GTPBP1: variants seen among roughly 807,000 people sequenced by gnomAD.
The protein encoded by GTPBP1 is GTP-binding protein 1.
Under a neutral mutation model 62.0 loss-of-function variants are expected in GTPBP1, and 23 were observed. The ratio of observed to expected loss-of-function variants is 0.37; its 90% CI spans 0.27 to 0.53. GTPBP1 has a LOEUF of 0.53. Ranked by LOEUF, GTPBP1 falls within the 20% of genes least tolerant of loss-of-function variation. GTPBP1 has a pLI of 0.89. For synonymous variants in GTPBP1, 344 were observed against 364.4 expected, an observed-to-expected ratio of 0.94 and a Z score of 0.64; for missense variants, 640 against 917.3, an observed-to-expected ratio of 0.70 and a Z score of 3.90.
intron 2 of GTPBP1, among the ~76,000 whole-genome samples, chr22:38,715,451 TG>T (rs759372931): frequency 1.3e-5 from 2 of 152,204 alleles, no homozygotes; most frequent in African/African-American, 2.4e-5. Context: ...GCCCAGCACT[TG>T]TTGACCTAGC....
At position 38,733,577 on chromosome 22, in the gene GTPBP1, A is replaced by G. The variant is rs984562673; in HGVS notation, c.*2873A>G. ...GATGCAGAATAAAATTGTTAATCCA[A>G]TCACCTCCAATGGCAAGGCCTGACC... On this transcript the variant is annotated 3_prime_UTR_variant, in exon 12 of 12. Transcript: ENST00000216044. 6.6e-6 allele frequency: 1 copy of G among 152,262 alleles called. No individual in the cohort carries two copies. The highest frequency in any genetic ancestry group is 1.5e-5 in the Non-Finnish European group (1 of 68,078). 9.4% of individuals were successfully genotyped at this position (152,262 alleles called of 1,614,324 possible). A position where few individuals can be genotyped will look rare whatever the true frequency, so the allele number is the denominator to read the frequency against.
chr22:38,739,510 T>C, downstream of GTPBP1: 7 of 1,489,872 alleles, frequency 4.7e-6, no homozygotes, highest in East Asian at 4.7e-5. The surrounding 1 kb of genome is among the most constrained non-coding windows in gnomAD (Gnocchi z 6.7). Context: ...CAAGGACCCA[T>C]GGGCTGACCC....
chr22:38,712,943 T>C (rs974909132), intron 2 of GTPBP1, among the ~76,000 whole-genome samples: 4 of 152,200 alleles, frequency 2.6e-5, no homozygotes, highest in African/African-American at 4.8e-5. Context: ...GGAAAGGCAC[T>C]GGTTGTGGGG....
chr22:38,719,110 A>T (rs1485061563), intron 4 of GTPBP1, among the ~76,000 whole-genome samples: 1 of 151,902 alleles, frequency 6.6e-6, no homozygotes, highest in African/African-American at 2.4e-5. Context: ...GGTTCAAATG[A>T]TTCTCCTGTC....
Position 38,727,115 on chromosome 22 carries a change from T to C in GTPBP1, c.1402-98T>C. On this transcript the variant is annotated intron_variant, in intron 8 of 11. Transcript: ENST00000216044. This position sits in a 1 kb window ranked among gnomAD's most constrained non-coding sequence, Gnocchi z 6.5. Reference sequence around the variant, plus strand: ...GTGAGGAAACCAGGCAGAGTTGGGGTGGTCCCTATCCCTAGAAAGACTCTT... The same window carrying C: ...GTGAGGAAACCAGGCAGAGTTGGGGCGGTCCCTATCCCTAGAAAGACTCTT... The C allele has an allele frequency of 8.3e-7, 1 of 1,197,862 alleles. No homozygotes were observed. Among genetic ancestry groups the C allele is most frequent in the South Asian group, 1.7e-5 (1 of 58,710 alleles). The allele number at this position is 1,197,862 out of a possible 1,614,324, so 74.2% of individuals were successfully genotyped here.
chr22:38,740,690 C>T (rs1443612613), downstream of GTPBP1: 6 of 572,866 alleles, frequency 1.0e-5, no homozygotes, highest in Non-Finnish European at 1.9e-5. The surrounding 1 kb of genome is among the most constrained non-coding windows in gnomAD (Gnocchi z 4.8). Flanking sequence ...CCTCTCACAT[C>T]CTCCACAAGC....
At chr22:38,707,154 C>T (rs1424787001) in intron 1 of GTPBP1, among the ~76,000 whole-genome samples, 2 of 152,170 alleles carry the variant, frequency 1.3e-5, no homozygotes, top group Non-Finnish European at 2.9e-5. Flanking sequence ...ATACTAGAGA[C>T]TCAGTAAATG....
At chr22:38,739,110 C>T (rs2092832434), downstream of GTPBP1, 1 of 1,053,432 alleles carries the variant, frequency 9.5e-7, no homozygotes, top group Non-Finnish European at 1.4e-6. This position sits in a 1 kb window ranked among gnomAD's most constrained non-coding sequence, Gnocchi z 6.7. Flanking sequence ...TTAACCCTAA[C>T]CGAGATGCTC....
chr22:38,716,501 A>G lies in GTPBP1; in HGVS notation c.486-151A>G. The G allele has an allele frequency of 1.6e-6, 1 of 632,394 alleles. No individual in the cohort carries two copies. The highest frequency in any genetic ancestry group is 1.9e-5 in the South Asian group (1 of 52,308). 39.2% of individuals were successfully genotyped at this position (632,394 alleles called of 1,614,324 possible). The stretch of plus-strand genomic sequence containing the variant: ...CAGCAGCAGCTCTAGGAACCTTCCC[A>G]CTGTGCTCCTCCGGCTCAAGGAGGA... On this transcript the variant is annotated intron_variant, in intron 3 of 11. Coordinates refer to ENST00000216044, the MANE Select transcript of GTPBP1 (RefSeq NM_004286.5). The surrounding 1 kb of genome is among the most constrained non-coding windows in gnomAD (Gnocchi z 5.2).
chr22:38,723,607 T>G, intron 5 of GTPBP1: 1 of 552,736 alleles, frequency 1.8e-6, no homozygotes, highest in Non-Finnish European at 3.2e-6. Context: ...TATTTAGTTC[T>G]TGGTCTGAAC....
chr22:38,733,972 C>T (rs901926180), downstream of GTPBP1, among the ~76,000 whole-genome samples: 7 of 152,148 alleles, frequency 4.6e-5, no homozygotes, highest in African/African-American at 1.7e-4. Context: ...GTTTAGATGG[C>T]GTCAGAGGCA....
downstream of GTPBP1, chr22:38,742,519 C>T: frequency 3.7e-6 from 6 of 1,613,138 alleles, no homozygotes; most frequent in Non-Finnish European, 5.1e-6. Flanking sequence ...AGACGCCGCT[C>T]CAGAGAGTGT....
At chr22:38,723,908 T>TA (rs2092713692) in intron 5 of GTPBP1, among the ~76,000 whole-genome samples, 1 of 152,240 alleles carries the variant, frequency 6.6e-6, no homozygotes, top group African/African-American at 2.4e-5. Flanking sequence ...TGTAGACTTC[T>TA]AAATGTCTAA....
chr22:38,719,030 G>A (rs2092685747), intron 4 of GTPBP1, among the ~76,000 whole-genome samples: 2 of 151,860 alleles, frequency 1.3e-5, no homozygotes, highest in Non-Finnish European at 2.9e-5. Context: ...TTTTGAGATG[G>A]AGTCTTGCTC....
intron 1 of GTPBP1, among the ~76,000 whole-genome samples, chr22:38,707,395 G>A (rs2092611448): frequency 1.3e-5 from 2 of 152,212 alleles, no homozygotes; most frequent in South Asian, 4.1e-4. Flanking sequence ...ATTTTCAACT[G>A]CTCTTTGCCA....
At chr22:38,723,515 C>T (rs779728310) in intron 5 of GTPBP1, 272 of 674,322 alleles carry the variant, frequency 4.0e-4, no homozygotes, top group Non-Finnish European at 6.4e-4. Flanking sequence ...CTTCAGTGCA[C>T]GCGGGCGAAA....
intron 4 of GTPBP1, among the ~76,000 whole-genome samples, chr22:38,717,925 C>T (rs148394668): frequency 6.6e-6 from 1 of 152,350 alleles, no homozygotes; most frequent in African/African-American, 2.4e-5. Flanking sequence ...AACCCTTCCC[C>T]ATTTCTCGAT....
intron 1 of GTPBP1, among the ~76,000 whole-genome samples, chr22:38,707,514 C>T (rs2092612166): frequency 6.6e-6 from 1 of 152,094 alleles, no homozygotes; most frequent in South Asian, 2.1e-4. Flanking sequence ...GAGGGATGGC[C>T]AGGACGATGT....
rs2092667742 is a variant in GTPBP1 at position 38,715,976 on chromosome 22, A to T, written c.374A>T (p.Glu125Val). The change falls in exon 3 of 12, where the codon GAA (glutamate) becomes GTA (valine). Residue 125 changes from glutamate (E) to valine (V), a missense_variant. Transcript: ENST00000216044. ...ASYATVKSMA[E>V]QIEADVILLR... Reference sequence around the variant, plus strand: ...TACGCCACAGTGAAGAGCATGGCGGAACAGATAGAGGCCGATGTCATCCTT... The same window carrying T: ...TACGCCACAGTGAAGAGCATGGCGGTACAGATAGAGGCCGATGTCATCCTT... The T allele has an allele frequency of 6.2e-7, 1 of 1,613,952 alleles. No individual in the cohort carries two copies. Among genetic ancestry groups the T allele is most frequent in the African/African-American group, 1.3e-5 (1 of 74,878 alleles).
Sources: allele counts gnomAD v4.1 joint callset (sites outside exome capture counted in the v4.1 genomes callset), GRCh38; gene constraint gnomAD v4.1.1; non-coding constraint Gnocchi (gnomAD v3.1); transcripts MANE v1.5; gene names NCBI Gene and HGNC (gene_info 2026-07-23, HGNC 2026-07-21).